The following CACNA2D2 variants were observed in gnomAD, a reference collection of about 807,000 sequenced individuals.
CACNA2D2 encodes the protein voltage-dependent calcium channel subunit alpha-2/delta-2.
A neutral mutation model predicts 166.4 loss-of-function variants in CACNA2D2; 48 were observed. The ratio of observed to expected loss-of-function variants is 0.29; its 90% CI spans 0.23 to 0.37. CACNA2D2 has a LOEUF of 0.37. Ranked by LOEUF, CACNA2D2 falls within the 10% of genes least tolerant of loss-of-function variation. The probability of loss-of-function intolerance (pLI) is 1.00; values close to 1 mark genes in which losing one functional copy is unlikely to be tolerated. For synonymous variants in CACNA2D2, 561 were observed against 573.7 expected, an observed-to-expected ratio of 0.98 and a Z score of 0.32; for missense variants, 1,122 against 1,433.0, an observed-to-expected ratio of 0.78 and a Z score of 3.50.
At chr3:50,440,862 T>C (rs1439250737) in intron 2 of CACNA2D2, among the ~76,000 whole-genome samples, 4 of 152,004 alleles carry the variant, frequency 2.6e-5, no homozygotes, top group Non-Finnish European at 4.4e-5. Context: ...GCTGGCCTGC[T>C]CCAGGGTGGT....
chr3:50,501,394 C>T (rs1362868291), intron 1 of CACNA2D2, among the ~76,000 whole-genome samples: 1 of 148,766 alleles, frequency 6.7e-6, no homozygotes, highest in Non-Finnish European at 1.5e-5. Flanking sequence ...CCCACCCCCA[C>T]CCTCATTCTC....
chr3:50,486,552 C>T (rs950425604), intron 1 of CACNA2D2, among the ~76,000 whole-genome samples: 31 of 152,200 alleles, frequency 2.0e-4, no homozygotes, highest in African/African-American at 7.2e-4. Context: ...ACAGGCCCCC[C>T]GAGGACATCC....
intron 4 of CACNA2D2, among the ~76,000 whole-genome samples, chr3:50,392,803 A>G (rs1285504538): frequency 6.6e-6 from 1 of 152,258 alleles, no homozygotes; most frequent in Admixed American, 6.5e-5. Context: ...AGGGACTGTG[A>G]GCAAGTAGCA....
chr3:50,420,242 C>A (rs1707484228), intron 3 of CACNA2D2, among the ~76,000 whole-genome samples: 1 of 152,228 alleles, frequency 6.6e-6, no homozygotes, highest in Non-Finnish European at 1.5e-5. Flanking sequence ...GAAAAGTAGG[C>A]CATGCCAGCT....
intron 2 of CACNA2D2, among the ~76,000 whole-genome samples, chr3:50,455,949 C>G (rs743859): frequency 6.6e-6 from 1 of 152,074 alleles, no homozygotes; most frequent in East Asian, 1.9e-4. Flanking sequence ...CCCAGCTATG[C>G]ATTGTCAACT....
At chr3:50,479,112 G>C (rs1227983242) in intron 1 of CACNA2D2, among the ~76,000 whole-genome samples, 1 of 152,164 alleles carries the variant, frequency 6.6e-6, no homozygotes, top group Non-Finnish European at 1.5e-5. Context: ...TTTTAGAAGA[G>C]CCAAGTCTTA....
intron 2 of CACNA2D2, among the ~76,000 whole-genome samples, chr3:50,463,376 A>G (rs543998731): frequency 5.3e-5 from 8 of 151,868 alleles, no homozygotes; most frequent in Middle Eastern, 6.8e-3. Flanking sequence ...ATCACAGGTC[A>G]TTGCAATCTC....
At chr3:50,483,396 G>A (rs73835508) in intron 1 of CACNA2D2, among the ~76,000 whole-genome samples, 1,578 of 152,286 alleles carry the variant, frequency 0.01, 24 homozygotes, top group African/African-American at 0.037. Flanking sequence ...GTGTGCCTTG[G>A]GACCCTGCCC....
At chr3:50,466,827 A>G (rs1255526771) in intron 2 of CACNA2D2, among the ~76,000 whole-genome samples, 1 of 152,188 alleles carries the variant, frequency 6.6e-6, no homozygotes, top group Admixed American at 6.5e-5. Flanking sequence ...TGATGGGAAC[A>G]CTGGATTGGG....
chr3:50,375,537 G>T lies in CACNA2D2; in HGVS notation c.1907+107C>A. On this transcript the variant is annotated intron_variant, in intron 21 of 37. Coordinates refer to ENST00000424201, the MANE Select transcript of CACNA2D2 (RefSeq NM_006030.4). The surrounding 1 kb of genome is among the most constrained non-coding windows in gnomAD (Gnocchi z 4.0). ...TGAGTAGTGAGCAGCCCTGGCCACT[G>T]GTGCCCCACTGGGATGGTGGTCACA... 1 of 1,195,640 alleles carries T rather than the reference G, an allele frequency of 8.4e-7. No individual in the cohort carries two copies. The highest frequency in any genetic ancestry group is 1.2e-6 in the Non-Finnish European group (1 of 820,976). The allele number at this position is 1,195,640 out of a possible 1,614,324, so 74.1% of individuals were successfully genotyped here. A position where few individuals can be genotyped will look rare whatever the true frequency, so the allele number is the denominator to read the frequency against.
intron 3 of CACNA2D2, among the ~76,000 whole-genome samples, chr3:50,421,406 GC>G (rs1185445585): frequency 6.6e-6 from 1 of 152,150 alleles, no homozygotes; most frequent in East Asian, 1.9e-4. Flanking sequence ...TGGTGCAGTT[GC>G]CCCCCTCACC....
Position 50,367,840 on chromosome 3 carries a change from G to T in CACNA2D2, c.2206C>A (p.Arg736Ser). The T allele has an allele frequency of 6.2e-7, 1 of 1,607,478 alleles. No individual in the cohort carries two copies. Among genetic ancestry groups the T allele is most frequent in the Non-Finnish European group, 8.5e-7 (1 of 1,177,174 alleles). Reference sequence around the variant, plus strand: ...TTGAGATCCTGGTCCCTCCACACACGCTCTACCAGCTGCTGCGTGATGCCC... The same window carrying T: ...TTGAGATCCTGGTCCCTCCACACACTCTCTACCAGCTGCTGCGTGATGCCC... ...DTGITQQLVE[R>S]VWRDQDLNTY... is the part of the protein sequence containing the mutation. The change falls in exon 25 of 38, where the codon CGT (arginine) becomes AGT (serine). Residue 736 changes from arginine to serine, a missense_variant. Physicochemically the swap from Arg to Ser is moderately radical, Grantham distance 110. This residue lies in a region of CACNA2D2 where 840 missense variants were observed against 1,166.8 expected (regional missense o/e 0.72). Transcript: ENST00000424201. The surrounding 1 kb of genome is among the most constrained non-coding windows in gnomAD (Gnocchi z 6.5).
chr3:50,476,038 C>T (rs1232564302), intron 2 of CACNA2D2, 80 bp downstream of exon 2: 5 of 1,278,440 alleles, frequency 3.9e-6, no homozygotes, highest in Non-Finnish European at 5.5e-6. Flanking sequence ...ACCAAATCTT[C>T]CTCACTCCTT....
chr3:50,469,049 G>A (rs565316220), intron 2 of CACNA2D2, among the ~76,000 whole-genome samples: 1 of 151,874 alleles, frequency 6.6e-6, no homozygotes, highest in Non-Finnish European at 1.5e-5. Context: ...GGCTGGTCTG[G>A]AACTCCTGGC....
chr3:50,393,417 G>A (rs572473507), intron 4 of CACNA2D2, among the ~76,000 whole-genome samples: 22 of 152,344 alleles, frequency 1.4e-4, no homozygotes, highest in African/African-American at 4.6e-4. Flanking sequence ...CCCTGCCTCC[G>A]TCTGATGCTG....
At chr3:50,446,125 T>G (rs371503252) in intron 2 of CACNA2D2, among the ~76,000 whole-genome samples, 107 of 152,334 alleles carry the variant, frequency 7.0e-4, no homozygotes, top group African/African-American at 2.5e-3. Flanking sequence ...CATGAACTTC[T>G]AAGTTAAGTG....
intron 3 of CACNA2D2, among the ~76,000 whole-genome samples, chr3:50,403,197 T>C (rs573803304): frequency 6.6e-6 from 1 of 152,118 alleles, no homozygotes; most frequent in Non-Finnish European, 1.5e-5. Context: ...CTCCCAGGGC[T>C]GTGAGGATGT....
chr3:50,366,537 G>A lies in CACNA2D2; in HGVS notation c.2637+41C>T, dbSNP rs750742909. On this transcript the variant is annotated intron_variant, in intron 30 of 37. Coordinates refer to ENST00000424201, the MANE Select transcript of CACNA2D2 (RefSeq NM_006030.4). The surrounding 1 kb of genome is among the most constrained non-coding windows in gnomAD (Gnocchi z 5.9). The stretch of plus-strand genomic sequence containing the variant: ...GGCTGGGACTAGGAAGTCTGGAAGT[G>A]GGGTAAGCTAGGGTCCAGGGTAGGT... 1.9e-6 allele frequency: 3 copies of A among 1,606,198 alleles called. No individual in the cohort carries two copies. The highest frequency in any genetic ancestry group is 1.7e-6 in the Non-Finnish European group (2 of 1,172,930).
At chr3:50,440,576 G>A (rs1435809535) in intron 2 of CACNA2D2, among the ~76,000 whole-genome samples, 2 of 152,220 alleles carry the variant, frequency 1.3e-5, no homozygotes, top group Non-Finnish European at 2.9e-5. Context: ...GGGCATCACA[G>A]ACACAGAACC....
Sources: allele counts gnomAD v4.1 joint callset (sites outside exome capture counted in the v4.1 genomes callset), GRCh38; gene constraint gnomAD v4.1.1; regional missense constraint gnomAD v4.1.1; non-coding constraint Gnocchi (gnomAD v3.1); transcripts MANE v1.5; gene names NCBI Gene and HGNC (gene_info 2026-07-23, HGNC 2026-07-21).